Variants in SNX29 observed in about 807,000 individuals in gnomAD.
SNX29 encodes sorting nexin-29.
In SNX29, 78 loss-of-function variants were observed where a neutral mutation model predicts 102.1. That is an observed-to-expected ratio of 0.76 (90% CI 0.64 to 0.92). SNX29 has a LOEUF of 0.92. SNX29 is among the 40% of genes least tolerant of loss of function. The pLI is 0.00. For missense variants in SNX29, 1,280 were observed against 1,061.7 expected (o/e 1.21, Z -2.86); for synonymous variants, 580 against 414.5 (o/e 1.40, Z -4.85).
chr16:12,152,281 C>T (rs565421899), intron 13 of SNX29, among the ~76,000 whole-genome samples: 1 of 152,178 alleles, frequency 6.6e-6, no homozygotes, highest in South Asian at 2.1e-4. Flanking sequence ...TCTTTGGTTT[C>T]TGTGATACTT....
intron 11 of SNX29, chr16:12,088,037 G>T: frequency 2.2e-6 from 1 of 456,664 alleles, no homozygotes; most frequent in Non-Finnish European, 4.4e-6. Flanking sequence ...TCTCGTTCTG[G>T]CTTTGCTTGT....
At chr16:12,547,835 C>T (rs192792563) in intron 20 of SNX29, among the ~76,000 whole-genome samples, 18 of 152,310 alleles carry the variant, frequency 1.2e-4, no homozygotes, top group African/African-American at 4.1e-4. Flanking sequence ...TACTGAGCCC[C>T]AGATTCCAAA....
At position 12,135,509 on chromosome 16, in the gene SNX29, G is replaced by A. The variant is rs1250404263; in HGVS notation, c.1595+5751G>A. 5 of 1,317,718 alleles carry A rather than the reference G, an allele frequency of 3.8e-6. No homozygotes were observed. The Admixed American group carries it at 9.0e-5, about 24-fold the overall frequency. The allele number at this position is 1,317,718 out of a possible 1,614,324, so 81.6% of individuals were successfully genotyped here. On this transcript the variant is annotated intron_variant, in intron 13 of 20. Transcript: ENST00000566228. ...TAAGAGCCAGTTACTGCATTCTTGA[G>A]AGGATGGTGCCAGCCAGTTCTCTTT...
At chr16:12,144,963 C>T (rs1030716385) in intron 13 of SNX29, among the ~76,000 whole-genome samples, 5 of 152,182 alleles carry the variant, frequency 3.3e-5, no homozygotes, top group Non-Finnish European at 7.4e-5. Context: ...CCTCGTGATC[C>T]GCCCGCCTCG....
intron 15 of SNX29, among the ~76,000 whole-genome samples, chr16:12,345,561 C>T (rs951232529): frequency 6.6e-6 from 1 of 152,170 alleles, no homozygotes; most frequent in South Asian, 2.1e-4. Flanking sequence ...TCATACATGA[C>T]GTACTTGACA....
chr16:12,443,202 C>T (rs1567568410), intron 18 of SNX29: 1 of 349,808 alleles, frequency 2.9e-6, no homozygotes, highest in East Asian at 7.7e-5. Flanking sequence ...CTCAGTAGAT[C>T]CTGCTGGGGA....
intron 20 of SNX29, chr16:12,557,252 G>C (rs2078426236): frequency 6.6e-6 from 1 of 152,262 alleles, no homozygotes; most frequent in Admixed American, 6.5e-5. Flanking sequence ...TTGGATCTAT[G>C]GAAAGATAAG....
chr16:12,484,803 C>A (rs907191179), intron 19 of SNX29, among the ~76,000 whole-genome samples: 2 of 152,206 alleles, frequency 1.3e-5, no homozygotes, highest in South Asian at 4.1e-4. Context: ...CACTCTCTGG[C>A]CCTTTCCTCT....
chr16:12,297,344 C>G (rs544495654), intron 15 of SNX29: 1 of 152,276 alleles, frequency 6.6e-6, no homozygotes, highest in South Asian at 2.1e-4. Flanking sequence ...TGTACCACTT[C>G]TTAATGTCAA....
chr16:12,514,663 G>A (rs1434351238), intron 19 of SNX29, among the ~76,000 whole-genome samples: 1 of 152,100 alleles, frequency 6.6e-6, no homozygotes, highest in African/African-American at 2.4e-5. Flanking sequence ...CCAGGAGTTC[G>A]AGACCAGCCT....
intron 20 of SNX29, among the ~76,000 whole-genome samples, chr16:12,535,353 C>T (rs979802377): frequency 2.0e-5 from 3 of 152,172 alleles, no homozygotes; most frequent in Admixed American, 6.5e-5. Flanking sequence ...CCAGGCTGGT[C>T]TCGAACTCCT....
chr16:12,564,563 T>G (rs1194382134), intron 20 of SNX29, among the ~76,000 whole-genome samples: 1 of 152,318 alleles, frequency 6.6e-6, no homozygotes, highest in Non-Finnish European at 1.5e-5. Context: ...CCCATTCTTA[T>G]GGATTGCCAT....
At chr16:12,435,068 A>G in intron 18 of SNX29, among the ~76,000 whole-genome samples, 1 of 152,032 alleles carries the variant, frequency 6.6e-6, no homozygotes, top group East Asian at 1.9e-4. Context: ...CAGTCTGTCC[A>G]TCCCCAGGCC....
intron 19 of SNX29, among the ~76,000 whole-genome samples, chr16:12,491,385 A>G (rs796573453): frequency 6.6e-5 from 10 of 152,316 alleles, no homozygotes; most frequent in East Asian, 1.9e-4. Flanking sequence ...TTCACTCTCA[A>G]TCATGGGTGA....
chr16:12,414,742 T>G (rs2084555153), intron 18 of SNX29, among the ~76,000 whole-genome samples: 1 of 152,206 alleles, frequency 6.6e-6, no homozygotes, highest in Non-Finnish European at 1.5e-5. Flanking sequence ...TGTATGTATT[T>G]AGAGACAGAC....
intron 15 of SNX29, among the ~76,000 whole-genome samples, chr16:12,288,644 T>C (rs8063991): frequency 3.6e-4 from 54 of 149,816 alleles, no homozygotes; most frequent in African/African-American, 1.3e-3. Context: ...GCACCACTGC[T>C]TTCCAGCCTA....
intron 13 of SNX29, among the ~76,000 whole-genome samples, chr16:12,131,275 G>A (rs374200925): frequency 2.0e-5 from 3 of 152,172 alleles, no homozygotes; most frequent in Admixed American, 2.0e-4. Context: ...TTATTTAAAA[G>A]CCATTTTATT....
chr16:12,010,903 G>T (rs534335578), intron 3 of SNX29, among the ~76,000 whole-genome samples: 1 of 152,104 alleles, frequency 6.6e-6, no homozygotes, highest in African/African-American at 2.4e-5. Context: ...CTTACGAAAC[G>T]GAATGGCTTT....
At chr16:12,505,121 A>G (rs1287993443) in intron 19 of SNX29, among the ~76,000 whole-genome samples, 1 of 152,192 alleles carries the variant, frequency 6.6e-6, no homozygotes, top group Non-Finnish European at 1.5e-5. Context: ...AATATAGAGG[A>G]AAAAACAAAA....
Sources: gnomAD v4.1 joint callset for allele counts (sites outside exome capture counted in the v4.1 genomes callset) on GRCh38, gnomAD v4.1.1 for gene constraint, MANE v1.5 for transcripts, NCBI Gene and HGNC (gene_info 2026-07-23, HGNC 2026-07-21) for gene names.